Variants in NMUR1 observed in about 807,000 individuals in gnomAD.
NMUR1 encodes neuromedin-U receptor 1.
Under a neutral mutation model 18.8 loss-of-function variants are expected in NMUR1, and 16 were observed. The ratio of observed to expected loss-of-function variants is 0.85; its 90% CI spans 0.58 to 1.29. The LOEUF (loss-of-function observed/expected upper bound fraction) is 1.29. NMUR1 is among the 50% of genes most tolerant of loss of function. The probability of loss-of-function intolerance (pLI) is 0.00; values close to 1 mark genes in which losing one functional copy is unlikely to be tolerated. For missense variants in NMUR1, 529 were observed against 580.3 expected (o/e 0.91, Z 0.91); for synonymous variants, 258 against 258.2 (o/e 1.00, Z 0.01).
downstream of NMUR1, among the ~76,000 whole-genome samples, chr2:231,521,915 T>G (rs2047307053): frequency 6.6e-6 from 1 of 151,432 alleles, no homozygotes; most frequent in Non-Finnish European, 1.5e-5. Flanking sequence ...GACCTGTTGC[T>G]GACGTGCTGC....
At chr2:231,523,009 C>A (rs984102155), downstream of NMUR1, among the ~76,000 whole-genome samples, 1 of 152,246 alleles carries the variant, frequency 6.6e-6, no homozygotes, top group African/African-American at 2.4e-5. Flanking sequence ...CCTACTCCCC[C>A]AGGGCTGGCC....
chr2:231,529,385 A>G (rs2047393507), intron 1 of NMUR1, among the ~76,000 whole-genome samples: 1 of 152,184 alleles, frequency 6.6e-6, no homozygotes. Context: ...GTTTGAACCC[A>G]GGAGACAGAG....
downstream of NMUR1, among the ~76,000 whole-genome samples, chr2:231,521,651 C>G (rs2047304770): frequency 1.3e-5 from 2 of 152,102 alleles, no homozygotes. Flanking sequence ...GCCTGAACTC[C>G]ACAGGAGGAG....
chr2:231,528,058 C>T (rs2047373679), intron 2 of NMUR1, 65 bp downstream of exon 2: 2 of 1,489,456 alleles, frequency 1.3e-6, no homozygotes, highest in Non-Finnish European at 1.8e-6. Flanking sequence ...TTCTCCCAGG[C>T]CCCAGGAGCC....
intron 2 of NMUR1, among the ~76,000 whole-genome samples, chr2:231,527,305 G>A (rs1458814144): frequency 6.6e-6 from 1 of 152,218 alleles, no homozygotes; most frequent in Non-Finnish European, 1.5e-5. Context: ...CGGTGGCCAT[G>A]CCTCACAGGC....
chr2:231,519,884 G>A (rs2047291977), downstream of NMUR1, among the ~76,000 whole-genome samples: 1 of 152,088 alleles, frequency 6.6e-6, no homozygotes, highest in African/African-American at 2.4e-5. Flanking sequence ...TTGAGCCCAG[G>A]AATTCAAGAC....
downstream of NMUR1, among the ~76,000 whole-genome samples, chr2:231,519,045 T>C (rs1016903667): frequency 1.3e-5 from 2 of 152,196 alleles, no homozygotes; most frequent in Admixed American, 1.3e-4. Flanking sequence ...AGCACTTATA[T>C]GCCAGTATGT....
At chr2:231,518,776 G>A (rs187483231), downstream of NMUR1, among the ~76,000 whole-genome samples, 3 of 152,362 alleles carry the variant, frequency 2.0e-5, no homozygotes, top group Admixed American at 2.0e-4. Flanking sequence ...CCACGCGCCA[G>A]CAGTGATGAT....
In NMUR1 at chr2:231,523,210, TTTAA is replaced by T. The variant is rs2047321548; in HGVS notation, c.*1829_*1832del. ...GCTTCAGAGTAAAGTTATGGGTGGT[TTTAA>T]TTTTTTCTTTCCTTTAGATTTAATC... is the stretch of plus-strand genomic sequence containing the variant. On this transcript the variant is annotated 3_prime_UTR_variant, in exon 3 of 3. Coordinates refer to ENST00000305141, the MANE Select transcript of NMUR1 (RefSeq NM_006056.5). 2 of 358,566 alleles carry T rather than the reference TTTAA, an allele frequency of 5.6e-6. No individual in the cohort carries two copies. The highest frequency in any genetic ancestry group is 1.0e-5 in the Non-Finnish European group (2 of 197,656). The allele number at this position is 358,566 out of a possible 1,614,324, so 22.2% of individuals were successfully genotyped here.
At position 231,525,336 on chromosome 2, in the gene NMUR1, G is replaced by C. The variant is rs1333123928; in HGVS notation, c.988C>G (p.Leu330Val). ...TGCACGTGCTGGAAGGCCAGGTGCA[G>C]GCCATCTGTCCACTGTGACACGACG... is the stretch of plus-strand genomic sequence containing the variant. ...WSVVSQWTDG[L>V]HLAFQHVHVI... The change falls in exon 3 of 3, where the codon CTG (leucine) becomes GTG (valine). Residue 330 changes from leucine (L) to valine (V), a missense_variant. Transcript: ENST00000305141. 1.2e-6 allele frequency: 2 copies of C among 1,613,784 alleles called. No homozygotes were observed. Among genetic ancestry groups the C allele is most frequent in the Non-Finnish European group, 1.7e-6 (2 of 1,179,976 alleles).
In NMUR1 at chr2:231,525,170, C is replaced by G; in HGVS notation, c.1154G>C (p.Ser385Thr). The stretch of plus-strand genomic sequence containing the variant: ...GGTCATCCTGCTGAGGCTGTGGGAG[C>G]TGTGGCGGGGTCTGAGGCGATGGCA... ...ACCHRLRPRH[S>T]SHSLSRMTTG... Residue 385 changes from serine to threonine, a missense_variant, in exon 3 of 3, where the codon AGC becomes ACC. By Grantham distance (58) the Ser-to-Thr change is moderately conservative. Transcript: ENST00000305141. 4 of 1,614,124 alleles carry G rather than the reference C, an allele frequency of 2.5e-6. No individual in the cohort carries two copies. The highest frequency in any genetic ancestry group is 1.3e-5 in the African/African-American group (1 of 75,030).
At chr2:231,529,088 G>A (rs2047390811) in intron 1 of NMUR1, 71 bp from the exon 2 acceptor site, 2 of 1,423,160 alleles carry the variant, frequency 1.4e-6, no homozygotes, top group Admixed American at 2.3e-5. Flanking sequence ...CACTCATCAA[G>A]CCAAAGGTGA....
intron 2 of NMUR1, among the ~76,000 whole-genome samples, chr2:231,527,645 A>C (rs2047369441): frequency 1.3e-5 from 1 of 79,540 alleles, no homozygotes; most frequent in African/African-American, 3.4e-5. Flanking sequence ...CTCAAAAAAA[A>C]AAAAAAAAAA....
intron 1 of NMUR1, 125 bp downstream of exon 1, chr2:231,530,234 G>A: frequency 4.2e-6 from 5 of 1,182,284 alleles, no homozygotes; most frequent in Non-Finnish European, 5.8e-6. Flanking sequence ...GAGGCTCCCC[G>A]GTGGCGGGGA....
chr2:231,525,389 G>T lies in NMUR1; in HGVS notation c.935C>A (p.Pro312Gln). 6.2e-7 allele frequency: 1 copy of T among 1,613,534 alleles called. No homozygotes were observed. Among genetic ancestry groups the T allele is most frequent in the Non-Finnish European group, 8.5e-7 (1 of 1,179,730 alleles). ...LVVVFGICWA[P>Q]FHADRVMWSV... ...CCACATGACGCGGTCGGCGTGGAAC[G>T]GGGCCCAGCAGATGCCAAACACCAC... The change falls in exon 3 of 3, where the codon CCG becomes CAG. Residue 312 changes from proline to glutamine, a missense_variant. Pro to Gln is a moderately conservative substitution (Grantham distance 76). Transcript: ENST00000305141.
intron 1 of NMUR1, 67 bp downstream of exon 1, chr2:231,530,291 GA>G: frequency 6.7e-7 from 1 of 1,493,444 alleles, no homozygotes. Context: ...GCCCTAGGAC[GA>G]CCCTGCCCGC....
rs372518253 is a variant in NMUR1 at position 231,525,014 on chromosome 2, C to T, written c.*29G>A. ...CCAGCTCCAGGTGACCCTCTGGCCCCTCCAGGTGAAGCCACTTTAAGGCTC... is the reference window on the plus strand; with the variant it reads ...CCAGCTCCAGGTGACCCTCTGGCCCTTCCAGGTGAAGCCACTTTAAGGCTC... On this transcript the variant is annotated 3_prime_UTR_variant, in exon 3 of 3. Transcript: ENST00000305141. 94 of 1,523,310 alleles carry T rather than the reference C, an allele frequency of 6.2e-5. No individual in the cohort carries two copies. In the Middle Eastern group the frequency reaches 9.0e-4, roughly 15 times the overall value. 94.4% of individuals were successfully genotyped at this position (1,523,310 alleles called of 1,614,324 possible). A position where few individuals can be genotyped will look rare whatever the true frequency, so the allele number is the denominator to read the frequency against.
Position 231,528,236 on chromosome 2 carries a change from C to T in NMUR1, c.785G>A (p.Arg262Lys). Reference protein sequence around the residue: ...LLIGLRLRRERLLLMQEAKGR... With the variant: ...LLIGLRLRREKLLLMQEAKGR... ...CTTGGCCTCCTGCATGAGCAGCAGC[C>T]TCTCCCGCCGCAGTCGCAGCCCAAT... The change falls in exon 2 of 3, where the codon AGG becomes AAG. Residue 262 changes from arginine (R) to lysine (K), a missense_variant. Arg to Lys is a conservative substitution (Grantham distance 26). Coordinates refer to ENST00000305141, the MANE Select transcript of NMUR1 (RefSeq NM_006056.5). 4 of 1,613,208 alleles carry T rather than the reference C, an allele frequency of 2.5e-6. No homozygotes were observed. Among genetic ancestry groups the T allele is most frequent in the Non-Finnish European group, 3.4e-6 (4 of 1,179,724 alleles).
At chr2:231,529,053 A>C in intron 1 of NMUR1, 36 bp from the exon 2 acceptor site, 7 of 1,550,352 alleles carry the variant, frequency 4.5e-6, no homozygotes, top group Non-Finnish European at 6.1e-6. Flanking sequence ...CAGAAAGATC[A>C]TTCAGGGAAT....
Sources: allele counts gnomAD v4.1 joint callset (sites outside exome capture counted in the v4.1 genomes callset), GRCh38; gene constraint gnomAD v4.1.1; transcripts MANE v1.5; gene names NCBI Gene and HGNC (gene_info 2026-07-23, HGNC 2026-07-21).